SLC41A2: variants seen among roughly 807,000 people sequenced by gnomAD.
SLC41A2 encodes the protein SLC41A1-like 1.
A neutral mutation model predicts 58.3 loss-of-function variants in SLC41A2; 32 were observed. The ratio of observed to expected loss-of-function variants is 0.55; its 90% CI spans 0.41 to 0.74. The LOEUF (loss-of-function observed/expected upper bound fraction) is 0.74. SLC41A2 is among the 30% of genes least tolerant of loss of function. The pLI, the probability that SLC41A2 is intolerant of heterozygous loss-of-function variation, is 0.00. For missense variants in SLC41A2, 514 were observed against 680.6 expected, an observed-to-expected ratio of 0.76 and a Z score of 2.72; for synonymous variants, 190 against 235.0, an observed-to-expected ratio of 0.81 and a Z score of 1.75.
chr12:104,948,795 A>T (rs1166357729), intron 1 of SLC41A2, among the ~76,000 whole-genome samples: 1 of 152,246 alleles, frequency 6.6e-6, no homozygotes, highest in Non-Finnish European at 1.5e-5. Context: ...ACTAGAACCC[A>T]GTAAACTGGA....
intron 1 of SLC41A2, among the ~76,000 whole-genome samples, chr12:104,929,216 C>T (rs1257512140): frequency 6.6e-6 from 1 of 152,032 alleles, no homozygotes. Context: ...ACTATAAAAA[C>T]ACTTGGTAGG....
At chr12:104,912,558 C>T (rs1334638397) in intron 2 of SLC41A2, among the ~76,000 whole-genome samples, 1 of 152,160 alleles carries the variant, frequency 6.6e-6, no homozygotes, top group African/African-American at 2.4e-5. Context: ...ATGAAAGCTC[C>T]GTGTCTCTGC....
chr12:104,860,640 A>G (rs2043177096), intron 8 of SLC41A2, among the ~76,000 whole-genome samples: 1 of 151,990 alleles, frequency 6.6e-6, no homozygotes, highest in African/African-American at 2.4e-5. Context: ...GCTAGCATGC[A>G]GTGGCTTATT....
intron 1 of SLC41A2, among the ~76,000 whole-genome samples, chr12:104,931,972 T>TTG (rs145603617): frequency 3.3e-5 from 5 of 152,284 alleles, no homozygotes; most frequent in African/African-American, 9.6e-5. Flanking sequence ...GTTTTTGTTT[T>TTG]TGTGTGTGTG....
chr12:104,855,505 A>G (rs1447440008), intron 8 of SLC41A2, among the ~76,000 whole-genome samples: 2 of 152,208 alleles, frequency 1.3e-5, no homozygotes, highest in Non-Finnish European at 2.9e-5. Flanking sequence ...AAATGGAATA[A>G]TTTATCACAT....
Position 104,805,280 on chromosome 12 carries a change from T to C in SLC41A2, c.1594A>G (p.Lys532Glu), listed in dbSNP as rs758670210. The C allele has an allele frequency of 5.6e-6, 9 of 1,613,814 alleles. No homozygotes were observed. In the Admixed American group the frequency reaches 1.5e-4, roughly 27 times the overall value. ...WMVHHFWRKG[K>E]DPDSFSIPYL... ...GGGATGGAGAAACTATCCGGGTCCT[T>C]TCCTTTCCTCCAGAAGTGATGGACC... The change falls in exon 11 of 11, where the codon AAG becomes GAG. Residue 532 changes from lysine (K) to glutamate (E), a missense_variant. Transcript: ENST00000258538.
chr12:104,864,215 G>A (rs1224490535), intron 7 of SLC41A2, among the ~76,000 whole-genome samples: 1 of 152,122 alleles, frequency 6.6e-6, no homozygotes, highest in Non-Finnish European at 1.5e-5. Context: ...CTTCTTTCCT[G>A]TATCATCTTT....
chr12:104,953,906 T>C (rs1270778067), intron 1 of SLC41A2, among the ~76,000 whole-genome samples: 2 of 152,014 alleles, frequency 1.3e-5, no homozygotes, highest in African/African-American at 2.4e-5. Context: ...AGCAGCAAGG[T>C]GGGGCAAAAG....
At chr12:104,809,962 A>G (rs1202921861) in intron 10 of SLC41A2, among the ~76,000 whole-genome samples, 1 of 152,176 alleles carries the variant, frequency 6.6e-6, no homozygotes, top group Non-Finnish European at 1.5e-5. Context: ...GTACCTAGCA[A>G]AGTGACTAAC....
chr12:104,932,396 CAGG>C (rs1050438813), intron 1 of SLC41A2, among the ~76,000 whole-genome samples: 5 of 151,878 alleles, frequency 3.3e-5, no homozygotes, highest in African/African-American at 1.2e-4. Context: ...GAGGCCGAGT[CAGG>C]AGAACTACTT....
At chr12:104,903,939 A>G (rs778563429) in intron 3 of SLC41A2, among the ~76,000 whole-genome samples, 1 of 152,238 alleles carries the variant, frequency 6.6e-6, no homozygotes, top group East Asian at 1.9e-4. Flanking sequence ...ACACATACAT[A>G]TAACCAGACA....
In SLC41A2 at chr12:104,928,571, C is replaced by T. The variant is rs966052543; in HGVS notation, c.-44G>A. The T allele has an allele frequency of 9.3e-6, 12 of 1,288,958 alleles. No individual in the cohort carries two copies. Among genetic ancestry groups the T allele is most frequent in the Middle Eastern group, 2.4e-4 (1 of 4,184 alleles). 79.8% of individuals were successfully genotyped at this position (1,288,958 alleles called of 1,614,324 possible). On this transcript the variant is annotated 5_prime_UTR_variant, in exon 2 of 11. Transcript: ENST00000258538. The stretch of plus-strand genomic sequence containing the variant: ...CCTGTACTCCTTAGATCTCAAGCTT[C>T]GGGAACCACAGCAGATGAATCAGAA...
intron 6 of SLC41A2, among the ~76,000 whole-genome samples, chr12:104,868,974 G>A (rs77121810): frequency 0.014 from 2,070 of 152,316 alleles, 25 homozygotes; most frequent in Non-Finnish European, 0.019. Flanking sequence ...TGTTAGAGGA[G>A]GGGTGGGATG....
chr12:104,940,035 C>A (rs191386457), intron 1 of SLC41A2, among the ~76,000 whole-genome samples: 1 of 151,150 alleles, frequency 6.6e-6, no homozygotes, highest in Admixed American at 6.6e-5. Context: ...TTTTTTGAGA[C>A]GGAGTTTCAC....
Position 104,853,911 on chromosome 12 carries a change from A to ATTATTATTTTTTTTTTTTTTTT in SLC41A2, c.1255+7379_1255+7380insAAAAAAAAAAAAAAAATAATAA. On this transcript the variant is annotated intron_variant, in intron 8 of 10. Transcript: ENST00000258538. ...GGGTGCATGTCACCATGCCTGGCTG[A>ATTATTATTTTTTTTTTTTTTTT]TTTTTTTTTTTTTTTTTTTTTTTTT... is the stretch of plus-strand genomic sequence containing the variant. Among the ~76,000 whole-genome samples the ATTATTATTTTTTTTTTTTTTTT allele has an allele frequency of 2.5e-3, 150 of 59,484 alleles. 14 individuals carry two copies. Among genetic ancestry groups the ATTATTATTTTTTTTTTTTTTTT allele is most frequent in the East Asian group, 8.3e-3 (19 of 2,288 alleles). 39.0% of individuals were successfully genotyped at this position (59,484 alleles called of 152,430 possible).
At chr12:104,842,565 A>G (rs565346157) in intron 10 of SLC41A2, among the ~76,000 whole-genome samples, 22 of 152,108 alleles carry the variant, frequency 1.4e-4, no homozygotes, top group Non-Finnish European at 3.2e-4. Context: ...CACACTTTAT[A>G]TAAATAATTC....
At chr12:104,840,721 T>C (rs1282037391) in intron 10 of SLC41A2, among the ~76,000 whole-genome samples, 2 of 152,200 alleles carry the variant, frequency 1.3e-5, no homozygotes, top group Non-Finnish European at 2.9e-5. Context: ...CCACATTTGA[T>C]AGCTTCCTTC....
In SLC41A2 at chr12:104,866,587, TAAAAAAAAA is replaced by T. The variant is rs34984157; in HGVS notation, c.1028-17_1028-9del. The T allele has an allele frequency of 3.0e-6, 4 of 1,340,024 alleles. No homozygotes were observed. Among genetic ancestry groups the T allele is most frequent in the Non-Finnish European group, 4.0e-6 (4 of 1,002,898 alleles). The allele number at this position is 1,340,024 out of a possible 1,614,324, so 83.0% of individuals were successfully genotyped here. On this transcript the variant is annotated splice_polypyrimidine_tract_variant and intron_variant, in intron 6 of 10. Transcript: ENST00000258538. ...AAATGTAGTAATAGGTCTCTAAAAT[TAAAAAAAAA>T]AAAAAAAAGAGAGACAACATTTAAA...
chr12:104,828,846 A>T (rs1169217951), intron 10 of SLC41A2, among the ~76,000 whole-genome samples: 4 of 143,348 alleles, frequency 2.8e-5, no homozygotes, highest in South Asian at 2.1e-4. Context: ...AACCCAATTT[A>T]AAAAAAAAAT....
Sources: gnomAD v4.1 joint callset for allele counts (sites outside exome capture counted in the v4.1 genomes callset) on GRCh38, gnomAD v4.1.1 for gene constraint, MANE v1.5 for transcripts, NCBI Gene and HGNC (gene_info 2026-07-23, HGNC 2026-07-21) for gene names.